The following CEP128 variants were observed in gnomAD, a reference collection of about 807,000 sequenced individuals.
CEP128 encodes centrosomal protein 128, also known as centrosomal protein 128kDa.
CEP128 carries 132 observed loss-of-function variants against 156.7 expected under a neutral mutation model. The ratio of observed to expected loss-of-function variants is 0.84; its 90% CI spans 0.73 to 0.97. CEP128 has a LOEUF of 0.97. Among genes scored for constraint, CEP128 ranks in the 50% least tolerant of loss-of-function variants. The pLI, the probability that CEP128 is intolerant of heterozygous loss-of-function variation, is 0.00. For synonymous variants in CEP128, 469 were observed against 448.9 expected, an observed-to-expected ratio of 1.04 and a Z score of -0.57; for missense variants, 1,252 against 1,281.9, an observed-to-expected ratio of 0.98 and a Z score of 0.36.
intron 3 of CEP128, among the ~76,000 whole-genome samples, chr14:80,915,313 T>C (rs770169714): frequency 5.3e-5 from 8 of 152,294 alleles, no homozygotes; most frequent in East Asian, 3.9e-4. Context: ...TGAGCCACCA[T>C]GCCCAGCCCA....
At chr14:80,771,679 CTTAA>C (rs1427231759) in intron 16 of CEP128, among the ~76,000 whole-genome samples, 3 of 152,168 alleles carry the variant, frequency 2.0e-5, no homozygotes, top group Non-Finnish European at 4.4e-5. Context: ...TAAACTATCT[CTTAA>C]TTGTTTCATT....
intron 24 of CEP128, among the ~76,000 whole-genome samples, chr14:80,501,737 C>T (rs1225083730): frequency 1.3e-5 from 2 of 151,890 alleles, no homozygotes; most frequent in African/African-American, 2.4e-5. Flanking sequence ...ATCTCCAGAC[C>T]TCGCGATCCG....
intron 19 of CEP128, among the ~76,000 whole-genome samples, chr14:80,727,603 G>T (rs556860318): frequency 5.9e-5 from 9 of 152,090 alleles, no homozygotes; most frequent in South Asian, 2.1e-4. Flanking sequence ...CAGAATAAAA[G>T]AAAATATTTG....
chr14:80,734,440 T>C (rs1278051633), intron 19 of CEP128, among the ~76,000 whole-genome samples: 2 of 152,124 alleles, frequency 1.3e-5, no homozygotes, highest in Non-Finnish European at 2.9e-5. Context: ...CTGACTTTTT[T>C]TTTTAGGCTG....
intron 20 of CEP128, among the ~76,000 whole-genome samples, chr14:80,579,560 G>A (rs1016162255): frequency 6.6e-6 from 1 of 152,004 alleles, no homozygotes; most frequent in African/African-American, 2.4e-5. Flanking sequence ...TCTTTCATTT[G>A]CCAAAAGCAA....
At chr14:80,652,539 C>T (rs1018870022) in intron 19 of CEP128, among the ~76,000 whole-genome samples, 2 of 152,014 alleles carry the variant, frequency 1.3e-5, no homozygotes, top group Non-Finnish European at 2.9e-5. Flanking sequence ...AGGATATGAA[C>T]AGACACTTCT....
chr14:80,596,218 G>A (rs1225848298), intron 19 of CEP128, among the ~76,000 whole-genome samples: 3 of 152,002 alleles, frequency 2.0e-5, no homozygotes, highest in South Asian at 2.1e-4. Flanking sequence ...AACATGGCCC[G>A]ATGTTATGCT....
Position 80,895,794 on chromosome 14 carries a change from G to GTAATA in CEP128, c.573-5_573-4insTATTA. On this transcript the variant is annotated splice_region_variant and splice_polypyrimidine_tract_variant and intron_variant, in intron 7 of 24. Transcript: ENST00000555265. ...CCTTTTTGTTTCGGCATCTGACCTA[G>GTAATA]GAAGAAAAAAAAAAAAAAGATTTAA... is the stretch of plus-strand genomic sequence containing the variant. The GTAATA allele has an allele frequency of 7.8e-7, 1 of 1,285,740 alleles. No individual in the cohort carries two copies. 79.6% of individuals were successfully genotyped at this position (1,285,740 alleles called of 1,614,324 possible).
chr14:80,927,213 C>T (rs887439204), intron 2 of CEP128, among the ~76,000 whole-genome samples: 7 of 152,240 alleles, frequency 4.6e-5, no homozygotes, highest in Non-Finnish European at 8.8e-5. Flanking sequence ...AACCGGACTG[C>T]AGGCTCTGAG....
At chr14:80,649,571 C>A (rs1476293651) in intron 19 of CEP128, among the ~76,000 whole-genome samples, 2 of 152,082 alleles carry the variant, frequency 1.3e-5, no homozygotes, top group African/African-American at 2.4e-5. Context: ...ACTTGCAGGA[C>A]TTGTTAAACA....
At chr14:80,872,856 A>G (rs1005289951) in intron 8 of CEP128, among the ~76,000 whole-genome samples, 6 of 152,214 alleles carry the variant, frequency 3.9e-5, no homozygotes, top group Non-Finnish European at 7.3e-5. Flanking sequence ...AGCCCTGGAA[A>G]CAAACATCAT....
In CEP128 at chr14:80,756,932, T is replaced by C; in HGVS notation, c.2573A>G (p.Asp858Gly). The C allele has an allele frequency of 6.2e-7, 1 of 1,600,908 alleles. No individual in the cohort carries two copies. The highest frequency in any genetic ancestry group is 8.5e-7 in the Non-Finnish European group (1 of 1,170,006). The change falls in exon 18 of 25, where the codon GAT becomes GGT. Residue 858 changes from aspartate to glycine, a missense_variant. Physicochemically the swap from Asp to Gly is moderately conservative, Grantham distance 94 (BLOSUM62 -1). Coordinates refer to ENST00000555265, the MANE Select transcript of CEP128 (RefSeq NM_152446.5). The stretch of plus-strand genomic sequence containing the variant: ...CCAGCGATGTGGGTCATAATGTATA[T>C]CAGGACCAGATGAAAAAACCTACAA... ...EKLKVFSSGP[D>G]IHYDPHRWLA...
chr14:80,542,832 G>C (rs1472715491), intron 21 of CEP128, among the ~76,000 whole-genome samples: 2 of 152,138 alleles, frequency 1.3e-5, no homozygotes, highest in Non-Finnish European at 2.9e-5. Flanking sequence ...GCTCTGATTA[G>C]GAATGATCAT....
chr14:80,751,580 C>T (rs903956840), intron 18 of CEP128, among the ~76,000 whole-genome samples: 17 of 151,658 alleles, frequency 1.1e-4, no homozygotes, highest in Admixed American at 2.6e-4. Flanking sequence ...TTAACTACAT[C>T]AACAAGTATT....
intron 13 of CEP128, among the ~76,000 whole-genome samples, chr14:80,802,515 C>T (rs1200993608): frequency 3.4e-5 from 5 of 145,060 alleles, no homozygotes; most frequent in Admixed American, 2.8e-4. Context: ...GAAAGAGGAA[C>T]AACACACACC....
chr14:80,511,787 T>C (rs1292076964), intron 23 of CEP128, among the ~76,000 whole-genome samples: 3 of 152,104 alleles, frequency 2.0e-5, no homozygotes, highest in African/African-American at 4.8e-5. Flanking sequence ...TGATATGCTA[T>C]GCTTCCATTT....
At chr14:80,870,932 A>T (rs1887994384) in intron 8 of CEP128, among the ~76,000 whole-genome samples, 1 of 151,992 alleles carries the variant, frequency 6.6e-6, no homozygotes, top group African/African-American at 2.4e-5. Context: ...TACAAGAATC[A>T]GCAGCATTTC....
At chr14:80,661,474 G>A (rs530849517) in intron 19 of CEP128, among the ~76,000 whole-genome samples, 9 of 152,086 alleles carry the variant, frequency 5.9e-5, no homozygotes, top group Non-Finnish European at 8.8e-5. Context: ...TTCTGATTGC[G>A]ATAGAGCCTA....
chr14:80,719,631 G>A lies in CEP128; in HGVS notation c.2806+23444C>T, dbSNP rs1296536191. The stretch of plus-strand genomic sequence containing the variant: ...ATGAAGCCTGATTATAGCTATCCAT[G>A]TGGGTAAGGAAACAGAATTCATTAG... On this transcript the variant is annotated intron_variant, in intron 19 of 24. Coordinates refer to ENST00000555265, the MANE Select transcript of CEP128 (RefSeq NM_152446.5). 2.0e-5 allele frequency among the ~76,000 whole-genome samples: 3 copies of A among 152,168 alleles called. No homozygotes were observed. In the East Asian group the frequency reaches 5.8e-4, roughly 29 times the overall value.
Sources: gnomAD v4.1 joint callset for allele counts (sites outside exome capture counted in the v4.1 genomes callset) on GRCh38, gnomAD v4.1.1 for gene constraint, MANE v1.5 for transcripts, NCBI Gene and HGNC (gene_info 2026-07-23, HGNC 2026-07-21) for gene names.